The following PRKG1 variants were observed in gnomAD, a reference collection of about 807,000 sequenced individuals.
The protein encoded by PRKG1 is protein kinase cGMP-dependent 1.
Under a neutral mutation model 88.1 loss-of-function variants are expected in PRKG1, and 35 were observed. The observed-to-expected ratio is 0.40, with a 90% CI of 0.30 to 0.53. The LOEUF (loss-of-function observed/expected upper bound fraction) is 0.53. Ranked by LOEUF, PRKG1 falls within the 20% of genes least tolerant of loss-of-function variation. The pLI is 0.59. For missense variants in PRKG1, 540 were observed against 839.8 expected (o/e 0.64, Z 4.41); for synonymous variants, 303 against 292.5 (o/e 1.04, Z -0.37).
intron 2 of PRKG1, among the ~76,000 whole-genome samples, chr10:51,299,054 C>T (rs538166072): frequency 5.3e-5 from 8 of 152,304 alleles, no homozygotes; most frequent in African/African-American, 1.7e-4. Flanking sequence ...CATTTTCACT[C>T]ATGCCTTTAA....
At chr10:52,171,786 ATTTTTTTTTTTTT>A (rs545195374) in intron 9 of PRKG1, among the ~76,000 whole-genome samples, 2 of 93,860 alleles carry the variant, frequency 2.1e-5, no homozygotes, top group African/African-American at 8.5e-5. Context: ...TTTTATCAAA[ATTTTTTTTTTTTT>A]TTTTTTTTTT....
At chr10:52,226,026 A>AT (rs71680568) in intron 9 of PRKG1, among the ~76,000 whole-genome samples, 35,637 of 134,182 alleles carry the variant, frequency 0.27, 4,674 homozygotes, top group Non-Finnish European at 0.31. Context: ...ATGAGGGTTG[A>AT]TTTTTTTTTT....
At chr10:52,154,752 GCGTACACTGTACCCAGTA>G (rs1268822853) in intron 8 of PRKG1, among the ~76,000 whole-genome samples, 1 of 152,052 alleles carries the variant, frequency 6.6e-6, no homozygotes, top group Non-Finnish European at 1.5e-5. Context: ...CACCCTAATA[GCGTACACTGTACCCAGTA>G]CGTAGTCTTT....
intron 4 of PRKG1, among the ~76,000 whole-genome samples, chr10:51,885,703 G>A (rs770008495): frequency 6.6e-6 from 1 of 152,140 alleles, no homozygotes; most frequent in Non-Finnish European, 1.5e-5. Context: ...CTGGAATGCT[G>A]ATATCCTATT....
At chr10:51,456,280 C>T (rs575244028) in intron 2 of PRKG1, among the ~76,000 whole-genome samples, 12 of 152,240 alleles carry the variant, frequency 7.9e-5, no homozygotes, top group East Asian at 3.9e-4. Context: ...TCCCAAAACA[C>T]GTGGGAATTG....
At chr10:51,414,904 A>G (rs1049340746) in intron 2 of PRKG1, among the ~76,000 whole-genome samples, 5 of 152,234 alleles carry the variant, frequency 3.3e-5, no homozygotes, top group Non-Finnish European at 5.9e-5. Context: ...AATTATTCAA[A>G]CAATGTAAAG....
At chr10:51,579,777 CTATGACTATTAGCACT>C (rs757179318) in intron 3 of PRKG1, among the ~76,000 whole-genome samples, 16 of 151,910 alleles carry the variant, frequency 1.1e-4, no homozygotes, top group African/African-American at 1.7e-4. Context: ...TAAAGTTCTC[CTATGACTATTAGCACT>C]TACAGATTTT....
chr10:51,663,494 C>T (rs1296688401), intron 3 of PRKG1, among the ~76,000 whole-genome samples: 2 of 151,460 alleles, frequency 1.3e-5, no homozygotes, highest in African/African-American at 2.4e-5. Flanking sequence ...TGCTTCAGGT[C>T]AGTAGTTTAA....
At chr10:51,274,999 A>G (rs533133946) in intron 2 of PRKG1, among the ~76,000 whole-genome samples, 3 of 152,238 alleles carry the variant, frequency 2.0e-5, no homozygotes, top group East Asian at 1.9e-4. Context: ...CTTTGCTGCT[A>G]TTGCAATGGT....
At chr10:51,264,041 C>T (rs1005258486) in intron 2 of PRKG1, among the ~76,000 whole-genome samples, 6 of 152,298 alleles carry the variant, frequency 3.9e-5, no homozygotes, top group South Asian at 2.1e-4. Context: ...AAAGCTTAAA[C>T]TGATTTTCAT....
intron 9 of PRKG1, among the ~76,000 whole-genome samples, chr10:52,199,285 A>G (rs1407368822): frequency 6.6e-6 from 1 of 152,108 alleles, no homozygotes; most frequent in Non-Finnish European, 1.5e-5. Context: ...CCACTCATAG[A>G]TGAGTGAAGA....
At chr10:51,183,382 G>C (rs1288541977) in intron 2 of PRKG1, among the ~76,000 whole-genome samples, 1 of 152,168 alleles carries the variant, frequency 6.6e-6, no homozygotes, top group Non-Finnish European at 1.5e-5. Flanking sequence ...TAATTAGCTA[G>C]TACCCTGGAT....
At chr10:51,767,995 A>G (rs968547941) in intron 3 of PRKG1, among the ~76,000 whole-genome samples, 13 of 151,666 alleles carry the variant, frequency 8.6e-5, no homozygotes, top group African/African-American at 3.2e-4. Context: ...AGGTAAAGGC[A>G]TTTTGCTGTT....
chr10:51,093,817 C>T (rs974135520), intron 1 of PRKG1, among the ~76,000 whole-genome samples: 3 of 148,898 alleles, frequency 2.0e-5, no homozygotes, highest in African/African-American at 7.4e-5. Flanking sequence ...CACACACACA[C>T]ACACACACAC....
rs869048560 is a variant in PRKG1, at chr10:51,819,006, C to CAAAAAAAAA, written c.698+14345_698+14353dup. Among the ~76,000 whole-genome samples, 160 of 18,340 alleles carry CAAAAAAAAA rather than the reference C, an allele frequency of 8.7e-3. 19 individuals are homozygous for CAAAAAAAAA. Among genetic ancestry groups the CAAAAAAAAA allele is most frequent in the Non-Finnish European group, 9.8e-3 (127 of 13,008 alleles). 12.0% of individuals were successfully genotyped at this position (18,340 alleles called of 152,430 possible). On this transcript the variant is annotated intron_variant, in intron 4 of 17. Coordinates refer to ENST00000373980, the MANE Select transcript of PRKG1 (RefSeq NM_006258.4). The stretch of plus-strand genomic sequence containing the variant: ...TGGGCGACAGAGCGAGACTCCGTCT[C>CAAAAAAAAA]AAAAAAAAAAAAAAAAAAAAAAAAA...
chr10:51,322,877 T>C (rs892562789), intron 2 of PRKG1, among the ~76,000 whole-genome samples: 1 of 152,356 alleles, frequency 6.6e-6, no homozygotes, highest in South Asian at 2.1e-4. Flanking sequence ...AACTACAGAA[T>C]ATTATTACTG....
At chr10:51,799,197 C>A (rs991271407) in intron 3 of PRKG1, among the ~76,000 whole-genome samples, 14 of 152,046 alleles carry the variant, frequency 9.2e-5, no homozygotes, top group African/African-American at 3.4e-4. Context: ...CCATTAGGTA[C>A]TACTAGCAAA....
chr10:52,015,388 G>GGA (rs1259220448), intron 5 of PRKG1, among the ~76,000 whole-genome samples: 1 of 152,158 alleles, frequency 6.6e-6, no homozygotes, highest in African/African-American at 2.4e-5. Context: ...GGAGCAGCTG[G>GGA]GACACAGCGC....
At chr10:51,917,892 C>T (rs1028609137) in intron 5 of PRKG1, among the ~76,000 whole-genome samples, 1 of 152,168 alleles carries the variant, frequency 6.6e-6, no homozygotes, top group Non-Finnish European at 1.5e-5. Context: ...AATGCTTGTT[C>T]ATTGCTTTAA....
Sources: gnomAD v4.1 joint callset for allele counts (sites outside exome capture counted in the v4.1 genomes callset) on GRCh38, gnomAD v4.1.1 for gene constraint, MANE v1.5 for transcripts, NCBI Gene and HGNC (gene_info 2026-07-23, HGNC 2026-07-21) for gene names.